FRAS1: variants seen among roughly 807,000 people sequenced by gnomAD.
The protein encoded by FRAS1 is Fraser extracellular matrix complex subunit 1, also known as extracellular matrix organizing protein FRAS1.
In FRAS1, 290 loss-of-function variants were observed where a neutral mutation model predicts 435.2. The observed-to-expected ratio is 0.67, with a 90% confidence interval of 0.61 to 0.73. The LOEUF is 0.73. Ranked by LOEUF, FRAS1 falls within the 30% of genes least tolerant of loss-of-function variation. The pLI, the probability that FRAS1 is intolerant of heterozygous loss-of-function variation, is 0.00. For missense variants in FRAS1, 4,860 were observed against 5,001.5 expected (o/e 0.97, Z 0.85); for synonymous variants, 1,800 against 1,851.0 (o/e 0.97, Z 0.71).
At chr4:78,406,632 T>G (rs1207901304) in intron 30 of FRAS1, among the ~76,000 whole-genome samples, 2 of 152,122 alleles carry the variant, frequency 1.3e-5, no homozygotes. Context: ...CAATTCAAGT[T>G]GAGATTTGGG....
At position 78,215,236 on chromosome 4, in the gene FRAS1, G is replaced by T. The variant is rs541621342; in HGVS notation, c.109-22274G>T. The stretch of plus-strand genomic sequence containing the variant: ...TTTTGAGATGGAGTCTTGCTCTGTC[G>T]CCAGGCTGGAGTGCAATGGTGTGAT... On this transcript the variant is annotated intron_variant, in intron 2 of 73. Coordinates refer to ENST00000512123, the MANE Select transcript of FRAS1 (RefSeq NM_025074.7). Among the ~76,000 whole-genome samples, 23 of 151,486 alleles carry T rather than the reference G, an allele frequency of 1.5e-4. No homozygotes were observed. The South Asian group carries it at 4.6e-3, about 30-fold the overall frequency.
chr4:78,166,422 T>A (rs1721332971), intron 2 of FRAS1, among the ~76,000 whole-genome samples: 1 of 152,122 alleles, frequency 6.6e-6, no homozygotes, highest in South Asian at 2.1e-4. Flanking sequence ...TCTGGACTAA[T>A]AAGACTTTTC....
At chr4:78,132,530 T>C (rs1245184451) in intron 2 of FRAS1, among the ~76,000 whole-genome samples, 1 of 152,202 alleles carries the variant, frequency 6.6e-6, no homozygotes, top group Non-Finnish European at 1.5e-5. Flanking sequence ...GCACCTTTTT[T>C]GACTAAGTCA....
chr4:78,439,741 C>T (rs1159387875), intron 40 of FRAS1, among the ~76,000 whole-genome samples: 1 of 152,084 alleles, frequency 6.6e-6, no homozygotes, highest in Non-Finnish European at 1.5e-5. Context: ...AGCAATCCTC[C>T]CCGCTCAGCC....
intron 47 of FRAS1, among the ~76,000 whole-genome samples, chr4:78,456,799 G>T (rs1719215851): frequency 6.6e-6 from 1 of 152,152 alleles, no homozygotes; most frequent in Non-Finnish European, 1.5e-5. Context: ...TGTCTAAAAG[G>T]CCAGTTGTGG....
chr4:78,181,919 CT>C (rs1208229306), intron 2 of FRAS1: 2 of 1,609,338 alleles, frequency 1.2e-6, no homozygotes, highest in Non-Finnish European at 1.7e-6. Flanking sequence ...AACGCCACCC[CT>C]GCCGGCTTCT....
chr4:78,115,973 A>G (rs1743139739), intron 2 of FRAS1, among the ~76,000 whole-genome samples: 1 of 152,200 alleles, frequency 6.6e-6, no homozygotes, highest in Non-Finnish European at 1.5e-5. Flanking sequence ...ATTTAGTGCT[A>G]TAAATTTCCG....
At chr4:78,299,676 TA>T (rs1341040250) in intron 14 of FRAS1, among the ~76,000 whole-genome samples, 4 of 152,216 alleles carry the variant, frequency 2.6e-5, no homozygotes, top group Admixed American at 1.3e-4. Context: ...ATGAACTCTC[TA>T]AAAAGCAGAA....
chr4:78,375,129 G>T (rs1409039997), intron 25 of FRAS1, among the ~76,000 whole-genome samples: 2 of 152,084 alleles, frequency 1.3e-5, no homozygotes, highest in Non-Finnish European at 2.9e-5. Flanking sequence ...TTGTTAACTT[G>T]ACCTGAATAA....
intron 60 of FRAS1, among the ~76,000 whole-genome samples, chr4:78,498,927 A>G (rs1720593844): frequency 6.6e-6 from 1 of 151,966 alleles, no homozygotes; most frequent in Non-Finnish European, 1.5e-5. Context: ...GGCTCACTGT[A>G]GCCTCGACCA....
At chr4:78,523,342 A>G (rs938481035) in intron 69 of FRAS1, among the ~76,000 whole-genome samples, 2 of 152,198 alleles carry the variant, frequency 1.3e-5, no homozygotes, top group African/African-American at 2.4e-5. Flanking sequence ...TTTCATTTCA[A>G]TTACAACAAC....
In FRAS1 at chr4:78,267,750, G is replaced by A. The variant is rs1385955812; in HGVS notation, c.981+318G>A. 3.3e-5 allele frequency among the ~76,000 whole-genome samples: 5 copies of A among 152,348 alleles called. No homozygotes were observed. The South Asian group carries it at 6.2e-4, about 19-fold the overall frequency. On this transcript the variant is annotated intron_variant, in intron 9 of 73. Transcript: ENST00000512123. ...TCAGGCAGCGCAGCTGGATCTCATTGCTGATGGCCTGCCCAGTTCTCCCCG... is the reference window on the plus strand; with the variant it reads ...TCAGGCAGCGCAGCTGGATCTCATTACTGATGGCCTGCCCAGTTCTCCCCG...
At chr4:78,241,104 G>A (rs557881848) in intron 3 of FRAS1, among the ~76,000 whole-genome samples, 74 of 152,228 alleles carry the variant, frequency 4.9e-4, no homozygotes, top group African/African-American at 1.7e-3. Context: ...GTGGGGAAAG[G>A]AAGGCTGAAT....
intron 2 of FRAS1, chr4:78,068,541 T>G (rs1472117888): frequency 2.2e-6 from 1 of 456,284 alleles, no homozygotes; most frequent in East Asian, 6.9e-5. Context: ...AGACTTTAGC[T>G]TGTCCTTTCA....
intron 2 of FRAS1, among the ~76,000 whole-genome samples, chr4:78,158,981 G>A (rs966474049): frequency 5.3e-5 from 8 of 152,110 alleles, no homozygotes; most frequent in Non-Finnish European, 8.8e-5. Flanking sequence ...GTACCTCATT[G>A]TCAATTAGAC....
At chr4:78,080,359 T>C (rs968715755) in intron 2 of FRAS1, among the ~76,000 whole-genome samples, 6 of 152,186 alleles carry the variant, frequency 3.9e-5, no homozygotes, top group African/African-American at 1.4e-4. Context: ...TGTGCTCAGG[T>C]GTTCAGGAGA....
chr4:78,450,456 G>A (rs1004523410), intron 45 of FRAS1, 117 bp downstream of exon 45: 1 of 797,438 alleles, frequency 1.3e-6, no homozygotes, highest in East Asian at 2.6e-5. Context: ...GTTTTGAGGA[G>A]CTTCATTTGT....
chr4:78,186,132 T>C (rs905513729), intron 2 of FRAS1, among the ~76,000 whole-genome samples: 1 of 152,246 alleles, frequency 6.6e-6, no homozygotes, highest in Non-Finnish European at 1.5e-5. Flanking sequence ...ATGGTTAAAC[T>C]TGCAGAAGAT....
rs900702144 is a variant in FRAS1, at chr4:78,372,355, T to C, written c.2870-363T>C. On this transcript the variant is annotated intron_variant, in intron 23 of 73. Coordinates refer to ENST00000512123, the MANE Select transcript of FRAS1 (RefSeq NM_025074.7). ...GTATTTGGAAGAAGTCAGGGTTAGG[T>C]TTGTGGGGCAAGTTGGCCACTCCCT... is the stretch of plus-strand genomic sequence containing the variant. Among the ~76,000 whole-genome samples, 3 of 152,212 alleles carry C rather than the reference T, an allele frequency of 2.0e-5. No individual in the cohort carries two copies. The South Asian group carries it at 6.2e-4, about 32-fold the overall frequency.
Sources: gnomAD v4.1 joint callset for allele counts (sites outside exome capture counted in the v4.1 genomes callset) on GRCh38, gnomAD v4.1.1 for gene constraint, MANE v1.5 for transcripts, NCBI Gene and HGNC (gene_info 2026-07-23, HGNC 2026-07-21) for gene names.